Variants in ATP8B3 observed in about 807,000 individuals in gnomAD.
ATP8B3 encodes phospholipid-transporting ATPase IK.
In ATP8B3, 141 loss-of-function variants were observed where a neutral mutation model predicts 140.9. The ratio of observed to expected loss-of-function variants is 1.00; its 90% CI spans 0.87 to 1.15. ATP8B3 has a LOEUF of 1.15. Among genes scored for constraint, ATP8B3 ranks in the 50% most tolerant of loss-of-function variants. The pLI is 0.00. For synonymous variants in ATP8B3, 765 were observed against 714.6 expected, an observed-to-expected ratio of 1.07 and a Z score of -1.13; for missense variants, 1,874 against 1,740.6, an observed-to-expected ratio of 1.08 and a Z score of -1.36.
At chr19:1,791,054 A>G (rs964354541) in intron 20 of ATP8B3, among the ~76,000 whole-genome samples, 2 of 152,224 alleles carry the variant, frequency 1.3e-5, no homozygotes, top group Non-Finnish European at 2.9e-5. Flanking sequence ...TGGGCTGCCC[A>G]GAGATGTGTC....
In ATP8B3 at chr19:1,789,989, G is replaced by A. The variant is rs767122366; in HGVS notation, c.2379C>T (p.Ser793=). The part of the protein sequence containing the change: ...NMLILEEKEI[S]RILETYWENS... ...TTTCCCAGTAGGTCTCCAGGATGCG[G>A]CTGCGGGGCGCAGGGGTCAGCGGGG... The change falls in exon 22 of 29, where the codon AGC becomes AGT. Residue 793 remains serine, a splice_region_variant and synonymous_variant. Coordinates refer to ENST00000310127, the MANE Select transcript of ATP8B3 (RefSeq NM_138813.4). 4.3e-6 allele frequency: 7 copies of A among 1,609,740 alleles called. No homozygotes were observed. The South Asian group carries it at 4.4e-5, about 10-fold the overall frequency.
chr19:1,797,002 G>C lies in ATP8B3; in HGVS notation c.1556C>G (p.Pro519Arg), dbSNP rs374656010. 9 of 1,613,066 alleles carry C rather than the reference G, an allele frequency of 5.6e-6. No individual in the cohort carries two copies. The highest frequency in any genetic ancestry group is 4.5e-5 in the East Asian group (2 of 44,876). The stretch of plus-strand genomic sequence containing the variant: ...AGGTCGGGTCGTGGCCTCTGAATCC[G>C]GCCCTGGGGAAAGACACAGCTTCCT... ...KCCISGRVYG[P>R]DSEATTRPKE... The change falls in exon 15 of 29, where the codon CCG (proline) becomes CGG (arginine). Residue 519 changes from proline to arginine, a missense_variant. By Grantham distance (103) the Pro-to-Arg change is moderately radical. This residue lies in a region of ATP8B3 where 1,032 missense variants were observed against 963.6 expected (regional missense o/e 1.07). Transcript: ENST00000310127.
In ATP8B3 at chr19:1,796,252, G is replaced by A. The variant is rs760874826; in HGVS notation, c.1767C>T (p.Tyr589=). Residue 589 remains tyrosine, a synonymous_variant, in exon 17 of 29, where the codon TAC becomes TAT. Transcript: ENST00000310127. Reference sequence around the variant, plus strand: ...CCCCCTCGTCGGGGGAGGCCGCCTGGTACAACAGCTGGTCTGGTAGGGAGG... The same window carrying A: ...CCCCCTCGTCGGGGGAGGCCGCCTGATACAACAGCTGGTCTGGTAGGGAGG... ...SPRERPDQLL[Y]QAASPDEGAL... 2.5e-6 allele frequency: 4 copies of A among 1,610,656 alleles called. No individual in the cohort carries two copies. Among genetic ancestry groups the A allele is most frequent in the Non-Finnish European group, 8.5e-7 (1 of 1,179,230 alleles).
intron 25 of ATP8B3, 40 bp downstream of exon 25, chr19:1,787,063 G>A (rs1279403777): frequency 3.3e-6 from 5 of 1,515,614 alleles, no homozygotes; most frequent in Admixed American, 3.8e-5. Flanking sequence ...GAGAGGCTAA[G>A]CAGAGACCTG....
chr19:1,789,802 T>G, intron 22 of ATP8B3, 75 bp from the exon 23 acceptor site: 1 of 1,573,026 alleles, frequency 6.4e-7, no homozygotes, highest in African/African-American at 1.3e-5. Flanking sequence ...GCCCTCGGCC[T>G]CGCCAGCAGT....
rs374543057 is a variant in ATP8B3, at chr19:1,803,542, C to G, written c.905-897G>C. Among the ~76,000 whole-genome samples, 11 of 152,262 alleles carry G rather than the reference C, an allele frequency of 7.2e-5. No homozygotes were observed. The East Asian group carries it at 1.7e-3, about 24-fold the overall frequency. The stretch of plus-strand genomic sequence containing the variant: ...CCCACAAAAGCCTCCTTGCTCAGCC[C>G]GGGAGGAAATGCTAGAGGAAGAGCC... On this transcript the variant is annotated intron_variant, in intron 10 of 28. Transcript: ENST00000310127.
At chr19:1,793,044 T>TG (rs962364685) in intron 18 of ATP8B3, among the ~76,000 whole-genome samples, 1 of 151,326 alleles carries the variant, frequency 6.6e-6, no homozygotes, top group African/African-American at 2.4e-5. Context: ...ACTGTTTCCC[T>TG]GCCAGGAACA....
Position 1,795,128 on chromosome 19 carries a change from G to A in ATP8B3, c.2055+747C>T, listed in dbSNP as rs191338395. ...AAATTGGCCGGGCGTGGTGGCGGGCGCCTGTAGTCTCAGCTACTCAGGAGG... is the reference window on the plus strand; with the variant it reads ...AAATTGGCCGGGCGTGGTGGCGGGCACCTGTAGTCTCAGCTACTCAGGAGG... On this transcript the variant is annotated intron_variant, in intron 18 of 28. Transcript: ENST00000310127. Among the ~76,000 whole-genome samples the A allele has an allele frequency of 3.8e-3, 575 of 152,266 alleles. 2 individuals carry two copies. The highest frequency in any genetic ancestry group is 7.2e-3 in the Admixed American group (110 of 15,304).
In ATP8B3 at chr19:1,800,302, G is replaced by C; in HGVS notation, c.1300C>G (p.Leu434Val). ...AESFFVFWSF[L>V]ILLSVTIPMS... ...GGGATGGTGACGCTGAGCAGGATGA[G>C]GAAGCTCCAGAAGACGAAGAAGGAC... Residue 434 changes from leucine to valine, a missense_variant, in exon 13 of 29, where the codon CTC (leucine) becomes GTC (valine). Physicochemically the swap from Leu to Val is conservative, Grantham distance 32 (BLOSUM62 1). This residue lies in a region of ATP8B3 where 1,032 missense variants were observed against 963.6 expected (regional missense o/e 1.07). Transcript: ENST00000310127. The surrounding 1 kb of genome is among the most constrained non-coding windows in gnomAD (Gnocchi z 4.4). 6.2e-7 allele frequency: 1 copy of C among 1,612,916 alleles called. No homozygotes were observed. The highest frequency in any genetic ancestry group is 8.5e-7 in the Non-Finnish European group (1 of 1,179,860).
intron 11 of ATP8B3, 49 bp from the exon 12 acceptor site, chr19:1,802,093 C>G (rs776124166): frequency 7.9e-7 from 1 of 1,267,860 alleles, no homozygotes; most frequent in South Asian, 1.4e-5. Context: ...CCATCCACCC[C>G]TCACCCACCC....
At position 1,789,439 on chromosome 19, in the gene ATP8B3, C is replaced by T. The variant is rs1254434547; in HGVS notation, c.2767G>A (p.Val923Met). 6.3e-7 allele frequency: 1 copy of T among 1,597,962 alleles called. No individual in the cohort carries two copies. Among genetic ancestry groups the T allele is most frequent in the African/African-American group, 1.3e-5 (1 of 74,294 alleles). ...TGGTGGTACTTCTTGACCAGGGCCA[C>T]GATCAGGGCCTTCTGCTTGGGCGTC... ...RVTPKQKALI[V>M]ALVKKYHQVV... The change falls in exon 23 of 29, where the codon GTG (valine) becomes ATG (methionine). Residue 923 changes from valine to methionine, a missense_variant. Around this residue, in one of 3 missense-constraint regions of ATP8B3, gnomAD observed 840 missense variants for 760.9 expected, o/e 1.10. Transcript: ENST00000310127.
At chr19:1,785,074 C>A in intron 27 of ATP8B3, 85 bp downstream of exon 27, 2 of 1,482,224 alleles carry the variant, frequency 1.3e-6, no homozygotes, top group East Asian at 2.4e-5. Context: ...CTTTGCCGGA[C>A]GACTGTCATG....
chr19:1,809,407 G>A (rs891390413), intron 4 of ATP8B3, among the ~76,000 whole-genome samples: 3 of 151,546 alleles, frequency 2.0e-5, no homozygotes, highest in African/African-American at 4.9e-5. Context: ...CTTGAACCCC[G>A]GAGGTGGAGG....
intron 28 of ATP8B3, 61 bp from the exon 29 acceptor site, chr19:1,783,331 G>A (rs1600379741): frequency 6.5e-7 from 1 of 1,548,220 alleles, no homozygotes; most frequent in South Asian, 1.2e-5. Flanking sequence ...TGGCTCTCAG[G>A]TCCCCCAAGT....
At chr19:1,804,332 G>A (rs912884829) in intron 10 of ATP8B3, among the ~76,000 whole-genome samples, 4 of 152,168 alleles carry the variant, frequency 2.6e-5, no homozygotes, top group African/African-American at 4.8e-5. Context: ...CGTCTCGGCC[G>A]GGTGCGGTGG....
At position 1,800,292 on chromosome 19, in the gene ATP8B3, A is replaced by T; in HGVS notation, c.1310T>A (p.Leu437His). The change falls in exon 13 of 29, where the codon CTC becomes CAC. Residue 437 changes from leucine to histidine, a missense_variant. Physicochemically the swap from Leu to His is moderately conservative, Grantham distance 99 (BLOSUM62 -3). Around this residue, in one of 3 missense-constraint regions of ATP8B3, gnomAD observed 1,032 missense variants for 963.6 expected, o/e 1.07. Coordinates refer to ENST00000310127, the MANE Select transcript of ATP8B3 (RefSeq NM_138813.4). The surrounding 1 kb of genome is among the most constrained non-coding windows in gnomAD (Gnocchi z 4.4). ...CATGGACATCGGGATGGTGACGCTG[A>T]GCAGGATGAGGAAGCTCCAGAAGAC... ...FFVFWSFLIL[L>H]SVTIPMSMFI... is the part of the protein sequence containing the mutation. 1 of 1,612,662 alleles carries T rather than the reference A, an allele frequency of 6.2e-7. No homozygotes were observed. The highest frequency in any genetic ancestry group is 8.5e-7 in the Non-Finnish European group (1 of 1,179,784).
At chr19:1,791,369 G>C (rs371205683) in intron 20 of ATP8B3, among the ~76,000 whole-genome samples, 1 of 149,136 alleles carries the variant, frequency 6.7e-6, no homozygotes, top group Non-Finnish European at 1.5e-5. Flanking sequence ...GTGCCACTGC[G>C]CTCCTCTGAG....
At chr19:1,811,370 G>A in intron 2 of ATP8B3, 119 bp downstream of exon 2, 1 of 1,405,886 alleles carries the variant, frequency 7.1e-7, no homozygotes, top group Non-Finnish European at 9.4e-7. Flanking sequence ...CCCCTATGAG[G>A]ATGGGCAAAC....
chr19:1,803,325 G>A (rs1338812843), intron 10 of ATP8B3, among the ~76,000 whole-genome samples: 2 of 152,146 alleles, frequency 1.3e-5, no homozygotes, highest in Admixed American at 6.5e-5. Flanking sequence ...CCTCCCCATC[G>A]CGTCTTAGGG....
Sources: gnomAD v4.1 joint callset for allele counts (sites outside exome capture counted in the v4.1 genomes callset) on GRCh38, gnomAD v4.1.1 for gene constraint, gnomAD v4.1.1 regional missense constraint, Gnocchi (gnomAD v3.1) non-coding constraint, MANE v1.5 for transcripts, NCBI Gene and HGNC (gene_info 2026-07-23, HGNC 2026-07-21) for gene names.